Variants in LUZP2 observed in about 807,000 individuals in gnomAD.
The protein encoded by LUZP2 is leucine zipper protein 2.
A neutral mutation model predicts 51.6 loss-of-function variants in LUZP2; 52 were observed. That is an observed-to-expected ratio of 1.01 (90% CI 0.81 to 1.27). LUZP2 has a LOEUF of 1.27. Among genes scored for constraint, LUZP2 ranks in the 50% most tolerant of loss-of-function variants. The probability of loss-of-function intolerance (pLI) is 0.00; values close to 1 mark genes in which losing one functional copy is unlikely to be tolerated. For missense variants in LUZP2, 436 were observed against 395.4 expected (o/e 1.10, Z -0.87); for synonymous variants, 154 against 137.3 (o/e 1.12, Z -0.85).
chr11:24,970,918 T>C (rs1340882462), intron 7 of LUZP2, among the ~76,000 whole-genome samples: 2 of 152,176 alleles, frequency 1.3e-5, no homozygotes, highest in African/African-American at 4.8e-5. Context: ...GTATTAAGAA[T>C]TTACATTAAG....
chr11:24,741,411 G>A (rs1398864568), intron 4 of LUZP2, among the ~76,000 whole-genome samples: 2 of 151,872 alleles, frequency 1.3e-5, no homozygotes, highest in African/African-American at 2.4e-5. Context: ...TGGTATTCCT[G>A]TTAATTTCTT....
intron 1 of LUZP2, among the ~76,000 whole-genome samples, chr11:24,535,912 T>A (rs1469939189): frequency 6.6e-6 from 1 of 151,600 alleles, no homozygotes; most frequent in Non-Finnish European, 1.5e-5. Flanking sequence ...ATGTTTTTTT[T>A]AAATAATAAG....
chr11:25,007,156 G>A (rs901417263), intron 9 of LUZP2, among the ~76,000 whole-genome samples: 2 of 152,142 alleles, frequency 1.3e-5, no homozygotes, highest in African/African-American at 4.8e-5. Flanking sequence ...ACTGATTGGT[G>A]CATTTACAAT....
At position 24,665,025 on chromosome 11, in the gene LUZP2, G is replaced by A. The variant is rs1316460142; in HGVS notation, c.63-64144G>A. 2.0e-5 allele frequency among the ~76,000 whole-genome samples: 3 copies of A among 152,122 alleles called. No individual in the cohort carries two copies. In the East Asian group the frequency reaches 5.8e-4, roughly 29 times the overall value. On this transcript the variant is annotated intron_variant, in intron 1 of 11. Coordinates refer to ENST00000336930, the MANE Select transcript of LUZP2 (RefSeq NM_001009909.4). ...CACTGATAGCTTGCACCATGTACCT[G>A]GAAAAGTCAAAGACACTCAACGTCA... is the stretch of plus-strand genomic sequence containing the variant.
In LUZP2 at chr11:24,648,659, C is replaced by T. The variant is rs147680716; in HGVS notation, c.63-80510C>T. Among the ~76,000 whole-genome samples, 44 of 151,928 alleles carry T rather than the reference C, an allele frequency of 2.9e-4. No individual in the cohort carries two copies. The East Asian group carries it at 8.1e-3, about 28-fold the overall frequency. On this transcript the variant is annotated intron_variant, in intron 1 of 11. Transcript: ENST00000336930. ...AGGAGTCAGATTCAAGAGTAGGAGT[C>T]CACAGTGGAGGCTGTGAATCAGAAT...
At chr11:25,002,485 T>C (rs956963698) in intron 9 of LUZP2, among the ~76,000 whole-genome samples, 2 of 152,218 alleles carry the variant, frequency 1.3e-5, no homozygotes, top group Non-Finnish European at 2.9e-5. Context: ...GGTATCTAAG[T>C]AGGCAGTTGT....
chr11:25,060,503 G>T (rs1257713793), intron 10 of LUZP2, among the ~76,000 whole-genome samples: 1 of 152,192 alleles, frequency 6.6e-6, no homozygotes, highest in Admixed American at 6.5e-5. Context: ...TAAATATTCA[G>T]ATAGCAGCAA....
At chr11:25,008,260 T>G (rs1460804756) in intron 9 of LUZP2, among the ~76,000 whole-genome samples, 1 of 152,186 alleles carries the variant, frequency 6.6e-6, no homozygotes, top group Non-Finnish European at 1.5e-5. Context: ...GAGGTTTTCA[T>G]GTTGGTCAAT....
chr11:24,962,397 T>C (rs1429315736), intron 7 of LUZP2, among the ~76,000 whole-genome samples: 1 of 152,212 alleles, frequency 6.6e-6, no homozygotes, highest in African/African-American at 2.4e-5. Flanking sequence ...CACTTTCAGG[T>C]ACACCAATCA....
intron 5 of LUZP2, among the ~76,000 whole-genome samples, chr11:24,889,702 C>T (rs1299658901): frequency 6.6e-6 from 1 of 152,118 alleles, no homozygotes; most frequent in East Asian, 1.9e-4. Context: ...ATTAATTATC[C>T]CCAAATTCTG....
At chr11:24,758,305 C>T (rs1302186837) in intron 4 of LUZP2, among the ~76,000 whole-genome samples, 1 of 150,808 alleles carries the variant, frequency 6.6e-6, no homozygotes, top group African/African-American at 2.4e-5. Flanking sequence ...GAATCTTTAA[C>T]TAATGTGGGA....
chr11:24,659,158 C>A (rs557670978), intron 1 of LUZP2, among the ~76,000 whole-genome samples: 58 of 152,270 alleles, frequency 3.8e-4, no homozygotes, highest in African/African-American at 1.3e-3. Flanking sequence ...ATAGCAAAGA[C>A]TTGGAACCAA....
chr11:24,972,031 A>G (rs914986952), intron 7 of LUZP2, among the ~76,000 whole-genome samples: 1 of 149,270 alleles, frequency 6.7e-6, no homozygotes, highest in Admixed American at 6.8e-5. Flanking sequence ...AATGCCAACT[A>G]CTTAAGAGGC....
intron 7 of LUZP2, among the ~76,000 whole-genome samples, chr11:24,962,422 T>C (rs1019707195): frequency 1.4e-4 from 22 of 152,286 alleles, no homozygotes; most frequent in Admixed American, 1.3e-4. Flanking sequence ...TAGATTTGGT[T>C]TTTTCACATA....
chr11:24,749,321 G>A (rs1194467821), intron 4 of LUZP2, among the ~76,000 whole-genome samples: 1 of 152,172 alleles, frequency 6.6e-6, no homozygotes, highest in East Asian at 1.9e-4. Context: ...CAGCTTTAAA[G>A]TCAAAAGCCT....
intron 5 of LUZP2, among the ~76,000 whole-genome samples, chr11:24,781,082 A>T (rs976807741): frequency 6.6e-6 from 1 of 152,148 alleles, no homozygotes; most frequent in Admixed American, 6.5e-5. Flanking sequence ...AGTGGATTCA[A>T]GTTACTATGT....
At chr11:24,522,556 A>G (rs1194247885) in intron 1 of LUZP2, among the ~76,000 whole-genome samples, 1 of 152,070 alleles carries the variant, frequency 6.6e-6, no homozygotes, top group Non-Finnish European at 1.5e-5. Context: ...TATCCTGTAT[A>G]GCTCATTGTC....
chr11:24,653,465 G>T (rs1477176967), intron 1 of LUZP2, among the ~76,000 whole-genome samples: 7 of 152,118 alleles, frequency 4.6e-5, no homozygotes, highest in Admixed American at 4.6e-4. Context: ...TGAATGTTTT[G>T]TATGTCTATA....
At chr11:25,075,264 G>T (rs1015950945) in intron 10 of LUZP2, among the ~76,000 whole-genome samples, 2 of 152,070 alleles carry the variant, frequency 1.3e-5, no homozygotes, top group African/African-American at 2.4e-5. Flanking sequence ...GAATTAGGTG[G>T]TTAAGAATTC....
Sources: gnomAD v4.1 joint callset for allele counts (sites outside exome capture counted in the v4.1 genomes callset) on GRCh38, gnomAD v4.1.1 for gene constraint, MANE v1.5 for transcripts, NCBI Gene and HGNC (gene_info 2026-07-23, HGNC 2026-07-21) for gene names.